The following EXOC5 variants were observed in gnomAD, a reference collection of about 807,000 sequenced individuals.
EXOC5 encodes the protein SEC10-like 1.
A neutral mutation model predicts 90.8 loss-of-function variants in EXOC5; 17 were observed. The observed-to-expected ratio is 0.19, with a 90% confidence interval of 0.13 to 0.28. The LOEUF (loss-of-function observed/expected upper bound fraction) is 0.28. Among genes scored for constraint, EXOC5 ranks in the 10% least tolerant of loss-of-function variants. EXOC5 has a pLI of 1.00. For missense variants in EXOC5, 569 were observed against 830.6 expected (o/e 0.69, Z 3.87); for synonymous variants, 260 against 270.0 (o/e 0.96, Z 0.36).
At chr14:57,245,860 C>G (rs747203884) in intron 3 of EXOC5, among the ~76,000 whole-genome samples, 48 of 152,128 alleles carry the variant, frequency 3.2e-4, no homozygotes, top group South Asian at 8.3e-4. Flanking sequence ...CAAGACAAAC[C>G]TGGCCAACAT....
chr14:57,249,664 T>C (rs1330939970), intron 1 of EXOC5, among the ~76,000 whole-genome samples: 1 of 151,396 alleles, frequency 6.6e-6, no homozygotes, highest in Admixed American at 6.6e-5. Context: ...TGGAGGAGAG[T>C]GACAGATAAA....
At chr14:57,225,043 CAG>C (rs1883263513) in intron 12 of EXOC5, among the ~76,000 whole-genome samples, 1 of 151,820 alleles carries the variant, frequency 6.6e-6, no homozygotes, top group South Asian at 2.1e-4. Context: ...GCCTGGGCGT[CAG>C]AGTGAGACTC....
chr14:57,244,464 G>A, intron 3 of EXOC5, 105 bp from the exon 4 acceptor site: 2 of 815,438 alleles, frequency 2.5e-6, no homozygotes, highest in Non-Finnish European at 2.0e-6. Context: ...AGTTATATAC[G>A]AGATGATCTA....
intron 14 of EXOC5, among the ~76,000 whole-genome samples, chr14:57,219,114 A>G (rs1566726422): frequency 6.6e-6 from 1 of 152,110 alleles, no homozygotes. Flanking sequence ...TTAATAATAT[A>G]GTGGAAAGAG....
intron 15 of EXOC5, among the ~76,000 whole-genome samples, chr14:57,213,787 G>A (rs899497676): frequency 2.0e-5 from 3 of 151,922 alleles, no homozygotes; most frequent in African/African-American, 7.3e-5. Flanking sequence ...TGGCCAACAT[G>A]GCAAAACCCT....
chr14:57,268,802 C>A lies in EXOC5; in HGVS notation c.-154G>T, dbSNP rs1884789293. On this transcript the variant is annotated 5_prime_UTR_variant, in exon 1 of 18. Coordinates refer to ENST00000621441, the MANE Select transcript of EXOC5 (RefSeq NM_006544.4). Reference sequence around the variant, plus strand: ...AGCTCCCCACAGATCCCAGGAGGGGCGGGAGAGCGGCCATGAAGCGAAGCC... The same window carrying A: ...AGCTCCCCACAGATCCCAGGAGGGGAGGGAGAGCGGCCATGAAGCGAAGCC... 4.3e-6 allele frequency: 6 copies of A among 1,408,558 alleles called. No individual in the cohort carries two copies. Among genetic ancestry groups the A allele is most frequent in the Non-Finnish European group, 5.5e-6 (6 of 1,088,630 alleles). 87.3% of individuals were successfully genotyped at this position (1,408,558 alleles called of 1,614,324 possible).
chr14:57,248,240 T>G (rs1012326765), intron 1 of EXOC5, among the ~76,000 whole-genome samples: 10 of 151,958 alleles, frequency 6.6e-5, no homozygotes, highest in African/African-American at 2.2e-4. Flanking sequence ...TTACAAATGC[T>G]CGTATACCCT....
chr14:57,230,713 G>A (rs1656782432), intron 11 of EXOC5, among the ~76,000 whole-genome samples: 1 of 152,116 alleles, frequency 6.6e-6, no homozygotes, highest in Admixed American at 6.5e-5. Context: ...CTTGGAGCAA[G>A]TTATTTTCTT....
intron 1 of EXOC5, among the ~76,000 whole-genome samples, chr14:57,263,469 C>CA (rs1390227808): frequency 1.7e-4 from 26 of 150,904 alleles, no homozygotes; most frequent in African/African-American, 5.8e-4. Flanking sequence ...AACCCTGTCT[C>CA]AAAAAACAAA....
chr14:57,257,755 T>C (rs931547909), intron 1 of EXOC5, among the ~76,000 whole-genome samples: 1 of 152,180 alleles, frequency 6.6e-6, no homozygotes. Flanking sequence ...TGCTTTCTAA[T>C]ACTTTATCTT....
chr14:57,225,017 G>A (rs771865413), intron 12 of EXOC5, among the ~76,000 whole-genome samples: 9 of 152,102 alleles, frequency 5.9e-5, no homozygotes, highest in Non-Finnish European at 1.3e-4. Flanking sequence ...AGCCGAGATC[G>A]TGCCACTGCA....
Position 57,214,115 on chromosome 14 carries a change from A to T in EXOC5, c.1613+3867T>A, listed in dbSNP as rs1882904557. Among the ~76,000 whole-genome samples, 3 of 152,142 alleles carry T rather than the reference A, an allele frequency of 2.0e-5. No homozygotes were observed. The South Asian group carries it at 6.2e-4, about 32-fold the overall frequency. On this transcript the variant is annotated intron_variant, in intron 15 of 17. Transcript: ENST00000621441. Reference sequence around the variant, plus strand: ...AATAAGGAGAAAAAAAAGCACACACACAGGTCTTGGCTGCACGTGGGGCAT... The same window carrying T: ...AATAAGGAGAAAAAAAAGCACACACTCAGGTCTTGGCTGCACGTGGGGCAT...
At chr14:57,245,180 T>A (rs1158770753) in intron 3 of EXOC5, among the ~76,000 whole-genome samples, 1 of 152,184 alleles carries the variant, frequency 6.6e-6, no homozygotes, top group Non-Finnish European at 1.5e-5. Flanking sequence ...CAGGGTACAC[T>A]GATTGTCCTG....
Position 57,210,104 on chromosome 14 carries a change from AC to A in EXOC5, c.1614-44del, listed in dbSNP as rs774287722. The stretch of plus-strand genomic sequence containing the variant: ...CAACATTCTTTAACCCATCTAACTT[AC>A]TCTATGTTTATGTTTAATTATATTA... On this transcript the variant is annotated intron_variant, in intron 15 of 17. Coordinates refer to ENST00000621441, the MANE Select transcript of EXOC5 (RefSeq NM_006544.4). The A allele has an allele frequency of 6.9e-6, 6 of 864,426 alleles. No individual in the cohort carries two copies. In the East Asian group the frequency reaches 1.5e-4, roughly 22 times the overall value. 53.5% of individuals were successfully genotyped at this position (864,426 alleles called of 1,614,324 possible).
chr14:57,253,775 A>T (rs1384407296), intron 1 of EXOC5, among the ~76,000 whole-genome samples: 1 of 152,258 alleles, frequency 6.6e-6, no homozygotes, highest in Non-Finnish European at 1.5e-5. Flanking sequence ...CAGTCTTTTC[A>T]GCAAATAATG....
intron 15 of EXOC5, among the ~76,000 whole-genome samples, chr14:57,212,037 T>G (rs1386381863): frequency 6.6e-6 from 1 of 152,088 alleles, no homozygotes; most frequent in Non-Finnish European, 1.5e-5. Context: ...TTCTTAAATT[T>G]TTTGTGTGTA....
intron 15 of EXOC5, among the ~76,000 whole-genome samples, chr14:57,215,760 T>A (rs774314678): frequency 6.6e-6 from 1 of 152,086 alleles, no homozygotes; most frequent in Non-Finnish European, 1.5e-5. Flanking sequence ...TCCTCTAACA[T>A]CAGGAACAAG....
At chr14:57,236,629 C>T (rs887269009) in intron 6 of EXOC5, among the ~76,000 whole-genome samples, 3 of 152,040 alleles carry the variant, frequency 2.0e-5, no homozygotes, top group Non-Finnish European at 2.9e-5. Flanking sequence ...TTAACGAACA[C>T]CTGAACTTCA....
rs972986091 is a variant in EXOC5 at position 57,268,514 on chromosome 14, C to T, written c.27+108G>A. ...CAACCCTTCTGTTTCGCACCTCTCT[C>T]CCGAGGGCTCCTCCTGGGCAGCCAG... On this transcript the variant is annotated intron_variant, in intron 1 of 17. Transcript: ENST00000621441. 3.9e-6 allele frequency: 6 copies of T among 1,535,478 alleles called. No homozygotes were observed. In the African/African-American group the frequency reaches 8.3e-5, roughly 21 times the overall value.
Sources: gnomAD v4.1 joint callset for allele counts (sites outside exome capture counted in the v4.1 genomes callset) on GRCh38, gnomAD v4.1.1 for gene constraint, MANE v1.5 for transcripts, NCBI Gene and HGNC (gene_info 2026-07-23, HGNC 2026-07-21) for gene names.